The following PSIP1 variants were observed in gnomAD, a reference collection of about 807,000 sequenced individuals.
PSIP1 encodes PC4 and SFRS1-interacting protein.
PSIP1 carries 19 observed loss-of-function variants against 74.7 expected under a neutral mutation model. The observed-to-expected ratio is 0.25, with a 90% CI of 0.18 to 0.37. PSIP1 has a LOEUF of 0.37. PSIP1 is among the 10% of genes least tolerant of loss of function. The probability of loss-of-function intolerance (pLI) is 1.00; values close to 1 mark genes in which losing one functional copy is unlikely to be tolerated. For synonymous variants in PSIP1, 222 were observed against 195.3 expected (o/e 1.14, Z -1.14); for missense variants, 601 against 614.3 (o/e 0.98, Z 0.23).
intron 2 of PSIP1, 105 bp from the exon 3 acceptor site, chr9:15,506,742 G>C: frequency 3.5e-6 from 3 of 850,256 alleles, no homozygotes; most frequent in South Asian, 2.0e-5. Flanking sequence ...GTTATAAAAT[G>C]GGCCAGTTCT....
chr9:15,488,753 G>A (rs746121168), intron 4 of PSIP1, among the ~76,000 whole-genome samples: 9 of 152,006 alleles, frequency 5.9e-5, no homozygotes, highest in Non-Finnish European at 1.2e-4. Context: ...TGGACACAGT[G>A]GCTCAGGCCT....
chr9:15,469,113 T>C (rs1295642069), intron 12 of PSIP1, 55 bp from the exon 13 acceptor site: 1 of 1,519,710 alleles, frequency 6.6e-7, no homozygotes, highest in Non-Finnish European at 9.0e-7. Flanking sequence ...ACTTAAACAA[T>C]CTGTTTCTAA....
At chr9:15,504,025 G>T (rs184490111) in intron 3 of PSIP1, among the ~76,000 whole-genome samples, 1 of 152,052 alleles carries the variant, frequency 6.6e-6, no homozygotes, top group East Asian at 1.9e-4. Flanking sequence ...GATTACACGC[G>T]TAAGCCACCG....
chr9:15,498,537 C>T (rs1055686385), intron 3 of PSIP1, among the ~76,000 whole-genome samples: 3 of 151,924 alleles, frequency 2.0e-5, no homozygotes, highest in Non-Finnish European at 4.4e-5. Flanking sequence ...GCACGCAGTC[C>T]GACAGGTTTG....
intron 4 of PSIP1, among the ~76,000 whole-genome samples, chr9:15,489,665 T>C (rs1002440741): frequency 1.3e-5 from 2 of 148,376 alleles, no homozygotes; most frequent in African/African-American, 5.0e-5. Context: ...ATAAGAAAAC[T>C]TAGGCATACA....
intron 8 of PSIP1, among the ~76,000 whole-genome samples, chr9:15,475,826 C>T (rs938536180): frequency 3.9e-5 from 6 of 152,058 alleles, no homozygotes; most frequent in Non-Finnish European, 5.9e-5. Context: ...GACAACTTCC[C>T]TTTTTAGCAG....
intron 14 of PSIP1, among the ~76,000 whole-genome samples, chr9:15,467,942 GAA>G (rs2035700229): frequency 6.6e-6 from 1 of 151,346 alleles, no homozygotes; most frequent in Non-Finnish European, 1.5e-5. Flanking sequence ...CCAACATGGA[GAA>G]ACCCCGTGCC....
intron 15 of PSIP1, 178 bp from the exon 16 acceptor site, chr9:15,465,758 G>A: frequency 1.9e-6 from 1 of 529,286 alleles, no homozygotes. Context: ...CTTCAAAACT[G>A]TTATTTTACC....
intron 3 of PSIP1, among the ~76,000 whole-genome samples, chr9:15,494,886 T>C (rs2037004823): frequency 6.6e-6 from 1 of 152,182 alleles, no homozygotes; most frequent in Non-Finnish European, 1.5e-5. Flanking sequence ...ACATTCCTCT[T>C]ATGTAACAGG....
chr9:15,464,479 T>C lies in PSIP1; in HGVS notation c.*1041A>G, dbSNP rs2035474221. Reference sequence around the variant, plus strand: ...TTGATTTTACCCTGGATTTAGTCCATACACGTCAATGTACAGACTTATCAA... The same window carrying C: ...TTGATTTTACCCTGGATTTAGTCCACACACGTCAATGTACAGACTTATCAA... On this transcript the variant is annotated 3_prime_UTR_variant, in exon 16 of 16. Coordinates refer to ENST00000380733, the MANE Select transcript of PSIP1 (RefSeq NM_033222.5). The C allele has an allele frequency of 5.0e-6, 1 of 201,374 alleles. No homozygotes were observed. Among genetic ancestry groups the C allele is most frequent in the Non-Finnish European group, 1.0e-5 (1 of 97,978 alleles). 12.5% of individuals were successfully genotyped at this position (201,374 alleles called of 1,614,324 possible).
At chr9:15,476,151 T>C (rs1446665029) in intron 8 of PSIP1, among the ~76,000 whole-genome samples, 1 of 152,154 alleles carries the variant, frequency 6.6e-6, no homozygotes, top group Non-Finnish European at 1.5e-5. Flanking sequence ...CCAAGAGTAG[T>C]TACAGCTCAC....
intron 9 of PSIP1, 81 bp downstream of exon 9, chr9:15,473,927 CA>C (rs768554289): frequency 0.019 from 9,841 of 513,082 alleles, 58 homozygotes; most frequent in Non-Finnish European, 0.022. Context: ...AAAAAAAAAA[CA>C]AAAAAAAAAC....
chr9:15,465,225 C>T lies in PSIP1; in HGVS notation c.*295G>A. On this transcript the variant is annotated 3_prime_UTR_variant, in exon 16 of 16. Coordinates refer to ENST00000380733, the MANE Select transcript of PSIP1 (RefSeq NM_033222.5). ...TGTAACTTTGTTCTACTATCAATTACACATTAACATACACACACTAATTGA... is the reference window on the plus strand; with the variant it reads ...TGTAACTTTGTTCTACTATCAATTATACATTAACATACACACACTAATTGA... The T allele has an allele frequency of 3.3e-6, 1 of 301,566 alleles. No homozygotes were observed. Among genetic ancestry groups the T allele is most frequent in the East Asian group, 5.2e-5 (1 of 19,156 alleles). 18.7% of individuals were successfully genotyped at this position (301,566 alleles called of 1,614,324 possible).
At chr9:15,480,969 G>C (rs533634428) in intron 6 of PSIP1, among the ~76,000 whole-genome samples, 1 of 152,064 alleles carries the variant, frequency 6.6e-6, no homozygotes, top group Admixed American at 6.6e-5. Context: ...CCACTTCTAC[G>C]AATGTATCCA....
intron 3 of PSIP1, among the ~76,000 whole-genome samples, chr9:15,498,061 C>T (rs1376324825): frequency 6.6e-6 from 1 of 152,108 alleles, no homozygotes; most frequent in African/African-American, 2.4e-5. Flanking sequence ...AATCACACTG[C>T]TATAATAAAC....
intron 3 of PSIP1, among the ~76,000 whole-genome samples, chr9:15,499,124 CA>C (rs1189947822): frequency 6.6e-6 from 1 of 152,178 alleles, no homozygotes; most frequent in Non-Finnish European, 1.5e-5. Context: ...CTGACTCAGG[CA>C]AGGTCACCTA....
rs369860799 is a variant in PSIP1 at position 15,464,690 on chromosome 9, T to A, written c.*830A>T. On this transcript the variant is annotated 3_prime_UTR_variant, in exon 16 of 16. Transcript: ENST00000380733. ...CTAAAGACATTTTTAACAACATTCC[T>A]CAAAAATAAACTTACTTAGTTTTCA... 5.0e-6 allele frequency: 1 copy of A among 198,540 alleles called. No individual in the cohort carries two copies. The highest frequency in any genetic ancestry group is 7.9e-5 in the East Asian group (1 of 12,586). The allele number at this position is 198,540 out of a possible 1,614,324, so 12.3% of individuals were successfully genotyped here. A position where few individuals can be genotyped will look rare whatever the true frequency, so the allele number is the denominator to read the frequency against.
intron 14 of PSIP1, among the ~76,000 whole-genome samples, chr9:15,467,926 G>C (rs1231252027): frequency 6.6e-6 from 1 of 152,050 alleles, no homozygotes; most frequent in Non-Finnish European, 1.5e-5. Context: ...TTCAAGACCA[G>C]CCTGACCAAC....
intron 3 of PSIP1, among the ~76,000 whole-genome samples, chr9:15,495,365 T>C (rs894338218): frequency 6.6e-6 from 1 of 152,170 alleles, no homozygotes; most frequent in Non-Finnish European, 1.5e-5. Context: ...AAAAGGACCA[T>C]GCAAGGCAAT....
Sources: gnomAD v4.1 joint callset for allele counts (sites outside exome capture counted in the v4.1 genomes callset) on GRCh38, gnomAD v4.1.1 for gene constraint, MANE v1.5 for transcripts, NCBI Gene and HGNC (gene_info 2026-07-23, HGNC 2026-07-21) for gene names.